PHLDB2: variants seen among roughly 807,000 people sequenced by gnomAD.
The protein encoded by PHLDB2 is pleckstrin homology-like domain family B member 2.
PHLDB2 carries 71 observed loss-of-function variants against 123.6 expected under a neutral mutation model. The observed-to-expected ratio is 0.57, with a 90% CI of 0.47 to 0.70. The LOEUF (loss-of-function observed/expected upper bound fraction) is 0.70, where lower values mean the gene tolerates loss of function less well. Ranked by LOEUF, PHLDB2 falls within the 30% of genes least tolerant of loss-of-function variation. The pLI is 0.00. For synonymous variants in PHLDB2, 547 were observed against 541.6 expected, an observed-to-expected ratio of 1.01 and a Z score of -0.14; for missense variants, 1,446 against 1,519.5, an observed-to-expected ratio of 0.95 and a Z score of 0.80.
At chr3:111,930,970 A>G (rs2069112636) in intron 5 of PHLDB2, among the ~76,000 whole-genome samples, 1 of 152,234 alleles carries the variant, frequency 6.6e-6, no homozygotes, top group African/African-American at 2.4e-5. Flanking sequence ...TGGTATTGAT[A>G]TCATGTAGTT....
intron 1 of PHLDB2, among the ~76,000 whole-genome samples, chr3:111,771,381 G>C (rs907277889): frequency 3.4e-5 from 5 of 148,902 alleles, no homozygotes; most frequent in African/African-American, 9.9e-5. Context: ...ACAGAGTCTT[G>C]CTCACTTGCC....
At chr3:111,787,147 G>A (rs1352538952) in intron 1 of PHLDB2, among the ~76,000 whole-genome samples, 1 of 152,202 alleles carries the variant, frequency 6.6e-6, no homozygotes, top group African/African-American at 2.4e-5. Context: ...TGTGTTGGAT[G>A]TCTTTAACTG....
intron 1 of PHLDB2, among the ~76,000 whole-genome samples, chr3:111,768,356 T>C (rs2060117675): frequency 2.0e-5 from 3 of 152,202 alleles, no homozygotes; most frequent in Admixed American, 2.0e-4. Context: ...TTGTAACAAA[T>C]GTTTTTCACG....
At chr3:111,910,479 G>A (rs564913758) in intron 2 of PHLDB2, among the ~76,000 whole-genome samples, 1 of 152,176 alleles carries the variant, frequency 6.6e-6, no homozygotes, top group African/African-American at 2.4e-5. Context: ...TTATTAAATA[G>A]CAGGTTGTTA....
rs544616955 is a variant in PHLDB2, at chr3:111,826,390, G to T, written c.-48-19431G>T. On this transcript the variant is annotated intron_variant, in intron 1 of 17. Transcript: ENST00000393923. ...AATCAAGTAAAATTGCTTCAATAGG[G>T]TATTTGCTGGGGGATTTCCAATTAT... 2.0e-4 allele frequency among the ~76,000 whole-genome samples: 30 copies of T among 152,236 alleles called. No individual in the cohort carries two copies. The South Asian group carries it at 2.3e-3, about 12-fold the overall frequency.
intron 1 of PHLDB2, among the ~76,000 whole-genome samples, chr3:111,801,831 A>T (rs188298847): frequency 1.3e-5 from 2 of 152,154 alleles, no homozygotes; most frequent in Non-Finnish European, 2.9e-5. Context: ...GTTGCTGGGG[A>T]CTGGGAGGAG....
Position 111,780,384 on chromosome 3 carries a change from A to AGAG in PHLDB2, c.-49+47683_-49+47684insGGA, listed in dbSNP as rs2060399165. Among the ~76,000 whole-genome samples the AGAG allele has an allele frequency of 1.5e-4, 7 of 45,570 alleles. 1 individual carries two copies. Among genetic ancestry groups the AGAG allele is most frequent in the Non-Finnish European group, 3.2e-4 (5 of 15,482 alleles). 29.9% of individuals were successfully genotyped at this position (45,570 alleles called of 152,430 possible). On this transcript the variant is annotated intron_variant, in intron 1 of 17. Transcript: ENST00000393923. The stretch of plus-strand genomic sequence containing the variant: ...AAGAAGAAGAAGAAGAAGAAGAAGA[A>AGAG]GAAGAAGAAGAAGAAGAAGAAGAAG...
intron 3 of PHLDB2, among the ~76,000 whole-genome samples, chr3:111,918,207 A>G (rs2068288165): frequency 6.6e-6 from 1 of 152,214 alleles, no homozygotes; most frequent in Non-Finnish European, 1.5e-5. Flanking sequence ...TGTGTGATCT[A>G]CAATATTGCC....
At chr3:111,915,407 T>G (rs1169468748) in intron 3 of PHLDB2, 1 of 152,598 alleles carries the variant, frequency 6.6e-6, no homozygotes, top group Non-Finnish European at 1.5e-5. Flanking sequence ...GAATACATGT[T>G]GGACATCAAT....
At chr3:111,865,492 T>C (rs1472973144) in intron 1 of PHLDB2, among the ~76,000 whole-genome samples, 1 of 152,212 alleles carries the variant, frequency 6.6e-6, no homozygotes, top group Non-Finnish European at 1.5e-5. Flanking sequence ...TCCTGTGTTA[T>C]TTAACCAGTA....
rs541965886 is a variant in PHLDB2, at chr3:111,732,789, G to A, written c.-49+86G>A. 22 of 1,203,130 alleles carry A rather than the reference G, an allele frequency of 1.8e-5. No individual in the cohort carries two copies. The African/African-American group carries it at 3.3e-4, about 18-fold the overall frequency. 74.5% of individuals were successfully genotyped at this position (1,203,130 alleles called of 1,614,324 possible). ...AGCCTCGTCACCAGAGTGTTTCTGAGGAGGGTCTGCTGGAGATATGGTAGA... is the reference window on the plus strand; with the variant it reads ...AGCCTCGTCACCAGAGTGTTTCTGAAGAGGGTCTGCTGGAGATATGGTAGA... On this transcript the variant is annotated intron_variant, in intron 1 of 17. Transcript: ENST00000393923.
At chr3:111,784,856 C>A (rs1256515948) in intron 1 of PHLDB2, among the ~76,000 whole-genome samples, 1 of 151,960 alleles carries the variant, frequency 6.6e-6, no homozygotes, top group Admixed American at 6.6e-5. Flanking sequence ...ACATGTCATA[C>A]CTAACCAATT....
intron 1 of PHLDB2, 36 bp downstream of exon 1, chr3:111,859,612 G>C: frequency 2.0e-6 from 2 of 985,288 alleles, no homozygotes; most frequent in Non-Finnish European, 2.4e-6. Flanking sequence ...GGAGGAGGGG[G>C]TGGTGCCGAC....
chr3:111,764,450 A>G (rs2108023338), intron 1 of PHLDB2, among the ~76,000 whole-genome samples: 1 of 152,222 alleles, frequency 6.6e-6, no homozygotes. Flanking sequence ...TTAAACATGG[A>G]TTGTTGTTAG....
At chr3:111,850,159 C>A (rs1018188709) in intron 2 of PHLDB2, among the ~76,000 whole-genome samples, 3 of 151,202 alleles carry the variant, frequency 2.0e-5, no homozygotes, top group African/African-American at 7.3e-5. Flanking sequence ...CCGCGCCCAG[C>A]CGCTGGAGGC....
chr3:111,828,872 T>C (rs1326031309), intron 1 of PHLDB2, among the ~76,000 whole-genome samples: 2 of 152,162 alleles, frequency 1.3e-5, no homozygotes, highest in South Asian at 4.1e-4. Flanking sequence ...AAAACATCTA[T>C]TGAGTCCCTG....
chr3:111,795,549 T>C (rs925341084), intron 1 of PHLDB2, among the ~76,000 whole-genome samples: 5 of 152,214 alleles, frequency 3.3e-5, no homozygotes, highest in Non-Finnish European at 7.3e-5. Context: ...TATTTGAAAG[T>C]AAGTAGGCTT....
chr3:111,903,505 C>G (rs1397158635), intron 2 of PHLDB2, among the ~76,000 whole-genome samples: 1 of 152,132 alleles, frequency 6.6e-6, no homozygotes, highest in Non-Finnish European at 1.5e-5. Flanking sequence ...TTCTAGATAG[C>G]CAAAGAAACC....
chr3:111,905,432 C>T (rs2067454557), intron 2 of PHLDB2, among the ~76,000 whole-genome samples: 1 of 151,546 alleles, frequency 6.6e-6, no homozygotes. Context: ...TCTCGGCTCA[C>T]TGTAGTCTCT....
Sources: allele counts gnomAD v4.1 joint callset (sites outside exome capture counted in the v4.1 genomes callset), GRCh38; gene constraint gnomAD v4.1.1; transcripts MANE v1.5; gene names NCBI Gene and HGNC (gene_info 2026-07-23, HGNC 2026-07-21).